FBXW10: variants seen among roughly 807,000 people sequenced by gnomAD.
The protein encoded by FBXW10 is F-box and WD repeat domain containing 10.
FBXW10 carries 68 observed loss-of-function variants against 113.1 expected under a neutral mutation model. The observed-to-expected ratio is 0.60, with a 90% CI of 0.49 to 0.74. FBXW10 has a LOEUF of 0.74. Ranked by LOEUF, FBXW10 falls within the 30% of genes least tolerant of loss-of-function variation. FBXW10 has a pLI of 0.00. For missense variants in FBXW10, 753 were observed against 1,284.5 expected (o/e 0.59, Z 6.32); for synonymous variants, 289 against 481.6 (o/e 0.60, Z 5.24).
Position 18,776,322 on chromosome 17 carries a change from TA to T in FBXW10, c.2335+1142del, listed in dbSNP as rs373096488. Among the ~76,000 whole-genome samples the T allele has an allele frequency of 9.0e-3, 1,316 of 146,346 alleles. 20 individuals are homozygous for T. The highest frequency in any genetic ancestry group is 0.029 in the African/African-American group (1,158 of 40,254). On this transcript the variant is annotated intron_variant, in intron 13 of 13. Coordinates refer to ENST00000395665, the MANE Select transcript of FBXW10 (RefSeq NM_001267585.2). ...CTGGGTGACAGAGCAAGATTCCGTTTAAAAAAAAAAAAGTTTCTGGACATCA... is the reference window on the plus strand; with the variant it reads ...CTGGGTGACAGAGCAAGATTCCGTTTAAAAAAAAAAAGTTTCTGGACATCA...
chr17:18,762,242 G>T (rs931563414), intron 7 of FBXW10, among the ~76,000 whole-genome samples: 5 of 150,820 alleles, frequency 3.3e-5, no homozygotes, highest in African/African-American at 1.2e-4. Context: ...GATTACTGGC[G>T]TGAGCTACTG....
chr17:18,768,603 A>G lies in FBXW10; in HGVS notation c.1774A>G (p.Thr592Ala). 6.2e-7 allele frequency: 1 copy of G among 1,614,004 alleles called. No individual in the cohort carries two copies. The highest frequency in any genetic ancestry group is 8.5e-7 in the Non-Finnish European group (1 of 1,179,938). ...FDQWHLLSGSTDGLVMAWSMV... is the reference protein window; with the variant it reads ...FDQWHLLSGSADGLVMAWSMV... ...CCAGTGGCATCTCCTCTCAGGAAGT[A>G]CTGATGGCCTGGTCATGGCCTGGAG... Residue 592 changes from threonine to alanine, a missense_variant, in exon 10 of 14, where the codon ACT becomes GCT. By Grantham distance (58) the Thr-to-Ala change is moderately conservative (BLOSUM62 0). Coordinates refer to ENST00000395665, the MANE Select transcript of FBXW10 (RefSeq NM_001267585.2).
At chr17:18,774,231 A>G (rs1451837244) in intron 12 of FBXW10, among the ~76,000 whole-genome samples, 2 of 152,252 alleles carry the variant, frequency 1.3e-5, no homozygotes. Context: ...TGGTTAATGG[A>G]AAAGACCTCA....
chr17:18,749,635 G>A, intron 2 of FBXW10, 87 bp from the exon 3 acceptor site: 1 of 1,587,598 alleles, frequency 6.3e-7, no homozygotes, highest in Admixed American at 1.7e-5. Flanking sequence ...TTTATTTTCT[G>A]GGAGAGCTTT....
At chr17:18,756,661 A>C (rs1020356925) in intron 6 of FBXW10, among the ~76,000 whole-genome samples, 11 of 152,060 alleles carry the variant, frequency 7.2e-5, no homozygotes, top group Admixed American at 1.3e-4. Flanking sequence ...CCAGCCCAGC[A>C]AAGTACTATA....
At chr17:18,778,160 G>A (rs2035737035) in intron 13 of FBXW10, among the ~76,000 whole-genome samples, 2 of 152,180 alleles carry the variant, frequency 1.3e-5, no homozygotes, top group African/African-American at 4.8e-5. Flanking sequence ...GGCTGAGGCA[G>A]GAGAACGGCG....
chr17:18,767,490 A>T (rs568699018), intron 9 of FBXW10, among the ~76,000 whole-genome samples: 1 of 152,112 alleles, frequency 6.6e-6, no homozygotes, highest in East Asian at 1.9e-4. Context: ...GGATGAACAA[A>T]GCATTTTTTC....
intron 9 of FBXW10, among the ~76,000 whole-genome samples, 192 bp downstream of exon 9, chr17:18,767,054 C>T (rs1488758852): frequency 6.6e-6 from 1 of 152,168 alleles, no homozygotes; most frequent in Non-Finnish European, 1.5e-5. Flanking sequence ...CTCCACCACC[C>T]ACATCATGAC....
chr17:18,776,929 C>A (rs1310590949), intron 13 of FBXW10, among the ~76,000 whole-genome samples: 1 of 151,926 alleles, frequency 6.6e-6, no homozygotes, highest in Non-Finnish European at 1.5e-5. Context: ...ATCCACAATA[C>A]ATTATCATTT....
intron 7 of FBXW10, among the ~76,000 whole-genome samples, chr17:18,758,766 A>C (rs1597594747): frequency 6.7e-6 from 1 of 150,010 alleles, no homozygotes; most frequent in African/African-American, 2.5e-5. Flanking sequence ...TTTCTTTATT[A>C]GCATTCTTAG....
At chr17:18,756,682 C>T (rs1390573382) in intron 6 of FBXW10, among the ~76,000 whole-genome samples, 2 of 152,004 alleles carry the variant, frequency 1.3e-5, no homozygotes, top group Non-Finnish European at 1.5e-5. Context: ...GATATCTTCC[C>T]ATGGTAAATA....
At chr17:18,771,190 G>A (rs574165270) in intron 11 of FBXW10, among the ~76,000 whole-genome samples, 2 of 151,830 alleles carry the variant, frequency 1.3e-5, no homozygotes, top group Admixed American at 1.3e-4. Context: ...TTGAGTGAAC[G>A]TAAGTCTAAA....
chr17:18,766,889 G>A lies in FBXW10; in HGVS notation c.1704+27G>A, dbSNP rs554985610. ...TAAGTGGGCAGTGGGCTACCTTGGC[G>A]GAAAGGGCACTGGGGAGGAGATGGG... On this transcript the variant is annotated intron_variant, in intron 9 of 13. Transcript: ENST00000395665. The A allele has an allele frequency of 5.6e-5, 87 of 1,563,542 alleles. 1 individual carries two copies. Among genetic ancestry groups the A allele is most frequent in the South Asian group, 5.2e-4 (43 of 83,154 alleles).
intron 4 of FBXW10, among the ~76,000 whole-genome samples, chr17:18,750,677 A>G (rs1384751845): frequency 3.9e-5 from 6 of 152,008 alleles, no homozygotes; most frequent in Non-Finnish European, 7.4e-5. Context: ...AGCAGCAGCT[A>G]TGGTGAGGCT....
chr17:18,753,045 A>C (rs1246136294), intron 5 of FBXW10, among the ~76,000 whole-genome samples: 4 of 152,228 alleles, frequency 2.6e-5, no homozygotes, highest in Non-Finnish European at 5.9e-5. Flanking sequence ...TTGTACTGTC[A>C]TCTTGGACAA....
At chr17:18,749,290 G>A (rs1485806927) in intron 2 of FBXW10, among the ~76,000 whole-genome samples, 2 of 152,048 alleles carry the variant, frequency 1.3e-5, no homozygotes, top group Non-Finnish European at 2.9e-5. Flanking sequence ...TGTAATCCCA[G>A]CACTCTGGGA....
chr17:18,771,142 T>A (rs2035605575), intron 11 of FBXW10, among the ~76,000 whole-genome samples: 1 of 152,110 alleles, frequency 6.6e-6, no homozygotes, highest in African/African-American at 2.4e-5. Context: ...GGCCATTTTT[T>A]ACTCACAGCA....
chr17:18,754,412 G>A (rs1159530684), intron 5 of FBXW10, among the ~76,000 whole-genome samples: 1 of 148,258 alleles, frequency 6.7e-6, no homozygotes, highest in African/African-American at 2.5e-5. Flanking sequence ...CATGGTTAAA[G>A]ATTAAGAAGG....
intron 8 of FBXW10, among the ~76,000 whole-genome samples, chr17:18,765,851 C>G (rs1438387313): frequency 2.0e-5 from 3 of 151,934 alleles, no homozygotes; most frequent in African/African-American, 7.3e-5. Flanking sequence ...CTCAGCCTCC[C>G]GAGTAGCTGG....
Sources: allele counts gnomAD v4.1 joint callset (sites outside exome capture counted in the v4.1 genomes callset), GRCh38; gene constraint gnomAD v4.1.1; transcripts MANE v1.5; gene names NCBI Gene and HGNC (gene_info 2026-07-23, HGNC 2026-07-21).